MGLL: variants seen among roughly 807,000 people sequenced by gnomAD.
The protein encoded by MGLL is monoglyceride lipase.
A neutral mutation model predicts 29.1 loss-of-function variants in MGLL; 7 were observed. The observed-to-expected ratio is 0.24, with a 90% CI of 0.14 to 0.45. The LOEUF is 0.45. Ranked by LOEUF, MGLL falls within the 20% of genes least tolerant of loss-of-function variation. MGLL has a pLI of 0.99. For synonymous variants in MGLL, 148 were observed against 168.3 expected, an observed-to-expected ratio of 0.88 and a Z score of 0.93; for missense variants, 356 against 413.6, an observed-to-expected ratio of 0.86 and a Z score of 1.21.
At chr3:127,770,379 T>C (rs2107693301) in intron 3 of MGLL, among the ~76,000 whole-genome samples, 1 of 152,196 alleles carries the variant, frequency 6.6e-6, no homozygotes, top group Middle Eastern at 3.4e-3. Context: ...AAATGAAATA[T>C]TGTACAGAAA....
chr3:127,701,177 T>C (rs1264244186), intron 6 of MGLL, among the ~76,000 whole-genome samples: 2 of 129,532 alleles, frequency 1.5e-5, no homozygotes, highest in African/African-American at 6.3e-5. Context: ...ATCACGCCAC[T>C]GCACTCCAGC....
At chr3:127,741,827 T>TG (rs971060490) in intron 3 of MGLL, among the ~76,000 whole-genome samples, 2 of 152,350 alleles carry the variant, frequency 1.3e-5, no homozygotes, top group African/African-American at 4.8e-5. Context: ...GGTTAGATGC[T>TG]GGGGGCTTAG....
At chr3:127,728,485 A>G (rs1443013692) in intron 3 of MGLL, among the ~76,000 whole-genome samples, 2 of 152,172 alleles carry the variant, frequency 1.3e-5, no homozygotes, top group East Asian at 3.8e-4. Context: ...CTGGATTTCT[A>G]CCAGGTTTTC....
intron 3 of MGLL, chr3:127,735,704 C>T: frequency 2.5e-6 from 4 of 1,597,510 alleles, no homozygotes; most frequent in Admixed American, 3.3e-5. Context: ...GCTGAACATA[C>T]CTGGCAAAAG....
chr3:127,777,645 AAAC>A (rs2077057184), intron 3 of MGLL, among the ~76,000 whole-genome samples: 1 of 132,408 alleles, frequency 7.6e-6, no homozygotes, highest in Non-Finnish European at 1.7e-5. Context: ...CCAGCTGAGC[AAAC>A]TACAGATGGA....
Position 127,822,462 on chromosome 3 carries a change from G to A in MGLL, c.-144C>T, listed in dbSNP as rs1490831733. On this transcript the variant is annotated 5_prime_UTR_variant, in exon 1 of 8. Coordinates refer to ENST00000265052, the MANE Select transcript of MGLL (RefSeq NM_007283.7). ...TTCCCGCACCCAGACCCTGCCTTTCGGGCTGGGGCGCTCAGCCGGGAGCCT... is the reference window on the plus strand; with the variant it reads ...TTCCCGCACCCAGACCCTGCCTTTCAGGCTGGGGCGCTCAGCCGGGAGCCT... 2.1e-5 allele frequency: 17 copies of A among 825,652 alleles called. No homozygotes were observed. Among genetic ancestry groups the A allele is most frequent in the Non-Finnish European group, 3.2e-5 (16 of 503,150 alleles). 51.1% of individuals were successfully genotyped at this position (825,652 alleles called of 1,614,324 possible).
At chr3:127,818,472 T>C (rs542393532) in intron 2 of MGLL, among the ~76,000 whole-genome samples, 2 of 152,282 alleles carry the variant, frequency 1.3e-5, no homozygotes, top group African/African-American at 4.8e-5. Flanking sequence ...GTCTTCTGAG[T>C]TTCTGGGGCT....
At chr3:127,759,458 G>C (rs2076723961) in intron 3 of MGLL, among the ~76,000 whole-genome samples, 1 of 152,188 alleles carries the variant, frequency 6.6e-6, no homozygotes, top group African/African-American at 2.4e-5. Flanking sequence ...ATGCTCACTG[G>C]AGGTGGGTGT....
chr3:127,709,550 C>T (rs2075668878), intron 6 of MGLL, among the ~76,000 whole-genome samples: 1 of 152,142 alleles, frequency 6.6e-6, no homozygotes, highest in South Asian at 2.1e-4. Context: ...AAGCTAGAGT[C>T]CAACAGCCCA....
chr3:127,785,431 T>C (rs73862348), intron 2 of MGLL, among the ~76,000 whole-genome samples: 14,787 of 152,306 alleles, frequency 0.097, 1,566 homozygotes, highest in East Asian at 0.3. Flanking sequence ...CTGGGCACTG[T>C]GTGGAAGCTT....
chr3:127,742,093 G>A (rs915946732), intron 3 of MGLL, among the ~76,000 whole-genome samples: 8 of 152,154 alleles, frequency 5.3e-5, no homozygotes, highest in African/African-American at 9.7e-5. Context: ...CAAAAGATAC[G>A]AATATTTTCA....
intron 3 of MGLL, chr3:127,736,430 G>C (rs1005804086): frequency 2.1e-5 from 17 of 827,342 alleles, no homozygotes; most frequent in Middle Eastern, 6.1e-4. Flanking sequence ...AATGAGTCTG[G>C]TCCTAGAGAG....
chr3:127,699,923 T>C (rs1183473608), intron 6 of MGLL, among the ~76,000 whole-genome samples: 3 of 152,178 alleles, frequency 2.0e-5, no homozygotes, highest in African/African-American at 4.8e-5. Context: ...GCACCCCTAA[T>C]CACAGAGAAA....
chr3:127,821,609 C>T lies in MGLL; in HGVS notation c.155+85G>A, dbSNP rs936691419. 3.3e-6 allele frequency: 5 copies of T among 1,535,182 alleles called. No individual in the cohort carries two copies. In the African/African-American group the frequency reaches 6.8e-5, roughly 21 times the overall value. On this transcript the variant is annotated intron_variant, in intron 2 of 7. Coordinates refer to ENST00000265052, the MANE Select transcript of MGLL (RefSeq NM_007283.7). ...TAGGTCATAGAGAAAGCGGCCCCGC[C>T]CCAGATGGCACATGATAACGACCAG...
intron 3 of MGLL, among the ~76,000 whole-genome samples, chr3:127,747,977 G>A (rs1286643712): frequency 6.6e-6 from 1 of 152,130 alleles, no homozygotes; most frequent in Non-Finnish European, 1.5e-5. Flanking sequence ...AGTCAAATGG[G>A]GACAGATGCT....
intron 3 of MGLL, among the ~76,000 whole-genome samples, chr3:127,738,601 G>C (rs1326135284): frequency 1.3e-5 from 2 of 152,176 alleles, no homozygotes; most frequent in Non-Finnish European, 2.9e-5. Context: ...CCCACTCCTT[G>C]GGCCTGCCTG....
chr3:127,822,599 C>T, upstream of MGLL: 1 of 467,250 alleles, frequency 2.1e-6, no homozygotes, highest in East Asian at 3.9e-5. Context: ...CTAAACAAAT[C>T]GCTAGAGGGG....
chr3:127,708,833 C>T (rs779420909), intron 6 of MGLL, among the ~76,000 whole-genome samples: 10 of 152,296 alleles, frequency 6.6e-5, no homozygotes, highest in Admixed American at 1.3e-4. Context: ...AAGTGGGTCC[C>T]GTACAGAGAG....
At chr3:127,753,379 A>G (rs1424301240) in intron 3 of MGLL, among the ~76,000 whole-genome samples, 1 of 152,222 alleles carries the variant, frequency 6.6e-6, no homozygotes, top group Non-Finnish European at 1.5e-5. Context: ...AGTTTTTAAC[A>G]TACTCTCAGA....
Sources: allele counts gnomAD v4.1 joint callset (sites outside exome capture counted in the v4.1 genomes callset), GRCh38; gene constraint gnomAD v4.1.1; transcripts MANE v1.5; gene names NCBI Gene and HGNC (gene_info 2026-07-23, HGNC 2026-07-21).